The following JMY variants were observed in gnomAD, a reference collection of about 807,000 sequenced individuals.
JMY encodes the protein junction-mediating and -regulatory protein.
A neutral mutation model predicts 103.3 loss-of-function variants in JMY; 46 were observed. The observed-to-expected ratio is 0.45, with a 90% CI of 0.35 to 0.57. The LOEUF (loss-of-function observed/expected upper bound fraction) is 0.57. Ranked by LOEUF, JMY falls within the 20% of genes least tolerant of loss-of-function variation. The pLI, the probability that JMY is intolerant of heterozygous loss-of-function variation, is 0.00. For synonymous variants in JMY, 526 were observed against 489.3 expected (o/e 1.07, Z -0.99); for missense variants, 1,238 against 1,255.2 (o/e 0.99, Z 0.21).
At chr5:79,271,229 G>C (rs868352351) in intron 1 of JMY, among the ~76,000 whole-genome samples, 1 of 150,664 alleles carries the variant, frequency 6.6e-6, no homozygotes, top group Non-Finnish European at 1.5e-5. Context: ...AGAGAGTCTC[G>C]CTATGTTGCT....
At chr5:79,310,956 T>C (rs1484971066) in intron 7 of JMY, among the ~76,000 whole-genome samples, 1 of 152,050 alleles carries the variant, frequency 6.6e-6, no homozygotes, top group African/African-American at 2.4e-5. Flanking sequence ...GCTGACCCTG[T>C]CTCTATAAAA....
rs1747477319 is a variant in JMY, at chr5:79,322,290, T to C, written c.*688T>C. The C allele has an allele frequency of 6.6e-6, 1 of 152,226 alleles. No individual in the cohort carries two copies. Among genetic ancestry groups the C allele is most frequent in the East Asian group, 1.9e-4 (1 of 5,200 alleles). The allele number at this position is 152,226 out of a possible 1,614,324, so 9.4% of individuals were successfully genotyped here. A position where few individuals can be genotyped will look rare whatever the true frequency, so the allele number is the denominator to read the frequency against. On this transcript the variant is annotated 3_prime_UTR_variant, in exon 11 of 11. Transcript: ENST00000396137. ...TCTTATACTTTGTAAGGTTTTGAAG[T>C]TTCCGTGCTTTTAAATCACTCTTCA...
chr5:79,257,428 C>A (rs1745277659), intron 1 of JMY, among the ~76,000 whole-genome samples: 1 of 152,078 alleles, frequency 6.6e-6, no homozygotes, highest in Non-Finnish European at 1.5e-5. Flanking sequence ...CATGGTGAAA[C>A]CCTGTCTCTA....
At position 79,325,215 on chromosome 5, in the gene JMY, CA is replaced by C. The variant is rs1747595194; in HGVS notation, c.*3615del. On this transcript the variant is annotated 3_prime_UTR_variant, in exon 11 of 11. Coordinates refer to ENST00000396137, the MANE Select transcript of JMY (RefSeq NM_152405.5). ...CTTTTAGCCTAGGCAAAGCTAAATA[CA>C]AGGTTTTTGGGGTTTTCTTTTTTCA... 6.6e-6 allele frequency: 1 copy of C among 152,146 alleles called. No individual in the cohort carries two copies. Among genetic ancestry groups the C allele is most frequent in the South Asian group, 2.1e-4 (1 of 4,828 alleles). 9.4% of individuals were successfully genotyped at this position (152,146 alleles called of 1,614,324 possible). A position where few individuals can be genotyped will look rare whatever the true frequency, so the allele number is the denominator to read the frequency against.
intron 1 of JMY, 70 bp from the exon 2 acceptor site, chr5:79,277,840 G>A (rs1745985726): frequency 1.4e-6 from 2 of 1,399,468 alleles, no homozygotes; most frequent in Non-Finnish European, 2.0e-6. Flanking sequence ...ATGATAGGGA[G>A]AGTTCAAAGC....
At position 79,314,306 on chromosome 5, in the gene JMY, A is replaced by T; in HGVS notation, c.2114A>T (p.His705Leu). The change falls in exon 9 of 11, where the codon CAT becomes CTT. Residue 705 changes from histidine (H) to leucine (L), a missense_variant. Transcript: ENST00000396137. Reference protein sequence around the residue: ...ILKSTRLRLAHARRKGAASPV... With the variant: ...ILKSTRLRLALARRKGAASPV... ...AAATCAACCAGATTACGACTAGCTC[A>T]TGCAAGAAGAAAAGGTGCAGCAAGT... 6.2e-7 allele frequency: 1 copy of T among 1,614,084 alleles called. No individual in the cohort carries two copies. The highest frequency in any genetic ancestry group is 1.6e-4 in the Middle Eastern group (1 of 6,062).
chr5:79,269,325 C>T (rs1745674884), intron 1 of JMY, among the ~76,000 whole-genome samples: 3 of 152,168 alleles, frequency 2.0e-5, no homozygotes, highest in Admixed American at 2.0e-4. Flanking sequence ...TTCACAGATA[C>T]CCTACTGTCT....
At position 79,239,843 on chromosome 5, in the gene JMY, A is replaced by T. The variant is rs553767221; in HGVS notation, c.1032+2161A>T. Among the ~76,000 whole-genome samples, 796 of 151,684 alleles carry T rather than the reference A, an allele frequency of 5.2e-3. 5 individuals carry two copies. The highest frequency in any genetic ancestry group is 8.9e-3 in the Non-Finnish European group (601 of 67,904). On this transcript the variant is annotated intron_variant, in intron 1 of 10. Transcript: ENST00000396137. ...AAAAGAAAAGAAAAAGAAAAAGAGA[A>T]AAAGCGACTATCTCCGGTTTTTTAA...
chr5:79,300,296 A>ATTCT lies in JMY; in HGVS notation c.1671_1672insTTCT (p.Ser558PhefsTer2). 1 of 1,576,748 alleles carries ATTCT rather than the reference A, an allele frequency of 6.3e-7. No homozygotes were observed. Among genetic ancestry groups the ATTCT allele is most frequent in the Non-Finnish European group, 8.6e-7 (1 of 1,164,658 alleles). On this transcript the variant is annotated frameshift_variant, in exon 5 of 11. Coordinates refer to ENST00000396137, the MANE Select transcript of JMY (RefSeq NM_152405.5). LOFTEE classifies it high-confidence loss of function. Reference sequence around the variant, plus strand: ...AGTTACTATTGACAGCGCAACTAGAAAGCATCAAAAGACTTATATCAGGTA... The same window carrying ATTCT: ...AGTTACTATTGACAGCGCAACTAGAATTCTAGCATCAAAAGACTTATATCAGGTA...
chr5:79,239,487 A>G (rs534023828), intron 1 of JMY, among the ~76,000 whole-genome samples: 164 of 152,194 alleles, frequency 1.1e-3, no homozygotes, highest in Middle Eastern at 3.4e-3. Flanking sequence ...GGCCTGTCTG[A>G]TTGTAACTTT....
intron 4 of JMY, among the ~76,000 whole-genome samples, chr5:79,299,047 T>C (rs10072296): frequency 0.5 from 75,311 of 152,030 alleles, 19,058 homozygotes; most frequent in Non-Finnish European, 0.57. Context: ...ATGTCTCACA[T>C]GAGCTCGTAA....
chr5:79,247,009 G>A (rs1036820453), intron 1 of JMY, among the ~76,000 whole-genome samples: 3 of 152,168 alleles, frequency 2.0e-5, no homozygotes, highest in Non-Finnish European at 2.9e-5. Flanking sequence ...CAGAGGTAGA[G>A]AATTGGTAAA....
At chr5:79,306,254 GTGGTCAA>G in intron 6 of JMY, 114 bp from the exon 7 acceptor site, 1 of 655,532 alleles carries the variant, frequency 1.5e-6, no homozygotes, top group South Asian at 2.0e-5. Flanking sequence ...GAAACAAGAG[GTGGTCAA>G]TGTGATACTT....
In JMY at chr5:79,300,217, A is replaced by G. The variant is rs1746692482; in HGVS notation, c.1592A>G (p.Tyr531Cys). Residue 531 changes from tyrosine (Y) to cysteine (C), a missense_variant, in exon 5 of 11, where the codon TAT becomes TGT. Physicochemically the swap from Tyr to Cys is radical, Grantham distance 194. Coordinates refer to ENST00000396137, the MANE Select transcript of JMY (RefSeq NM_152405.5). ...ARLDQLEADY[Y>C]DLQLQLYEVQ... The stretch of plus-strand genomic sequence containing the variant: ...TTGGATCAGTTAGAAGCTGATTATT[A>G]TGATCTGCAACTTCAGTTGTATGAA... 6.2e-7 allele frequency: 1 copy of G among 1,611,244 alleles called. No homozygotes were observed. The highest frequency in any genetic ancestry group is 8.5e-7 in the Non-Finnish European group (1 of 1,178,750).
At position 79,291,279 on chromosome 5, in the gene JMY, A is replaced by T; in HGVS notation, c.1507A>T (p.Lys503Ter). Residue 503 changes from lysine to a stop codon, truncating the protein, a stop_gained, in exon 4 of 11, where the codon AAA becomes TAA. Coordinates refer to ENST00000396137, the MANE Select transcript of JMY (RefSeq NM_152405.5). LOFTEE classifies it high-confidence loss of function. The stretch of plus-strand genomic sequence containing the variant: ...TAAAGAGATATGCTTGGAACAGCGG[A>T]AACATGCACTAAAGGAAGAGGTAAC... ...RAKEICLEQR[K>*]HALKEEMQSL... 6.3e-7 allele frequency: 1 copy of T among 1,579,982 alleles called. No individual in the cohort carries two copies. The highest frequency in any genetic ancestry group is 8.6e-7 in the Non-Finnish European group (1 of 1,167,290).
Position 79,323,690 on chromosome 5 carries a change from C to T in JMY, c.*2088C>T, listed in dbSNP as rs1053458477. On this transcript the variant is annotated 3_prime_UTR_variant, in exon 11 of 11. Transcript: ENST00000396137. Reference sequence around the variant, plus strand: ...ATCTAATGTTAAATTAACCAGAAACCCTGGAACATTCATATCTTGAGAGGG... The same window carrying T: ...ATCTAATGTTAAATTAACCAGAAACTCTGGAACATTCATATCTTGAGAGGG... The T allele has an allele frequency of 6.6e-6, 1 of 152,022 alleles. No individual in the cohort carries two copies. Among genetic ancestry groups the T allele is most frequent in the Non-Finnish European group, 1.5e-5 (1 of 68,022 alleles). 9.4% of individuals were successfully genotyped at this position (152,022 alleles called of 1,614,324 possible).
chr5:79,245,022 C>G (rs953836575), intron 1 of JMY, among the ~76,000 whole-genome samples: 15 of 152,014 alleles, frequency 9.9e-5, no homozygotes, highest in Admixed American at 5.9e-4. Context: ...GGGGATTGTC[C>G]TTTATGTTTG....
At chr5:79,286,017 C>T (rs1746257779) in intron 2 of JMY, among the ~76,000 whole-genome samples, 2 of 152,128 alleles carry the variant, frequency 1.3e-5, no homozygotes, top group Non-Finnish European at 2.9e-5. Context: ...AAATTGAAAA[C>T]AGAGGTGTCA....
chr5:79,248,218 C>T (rs897913399), intron 1 of JMY, among the ~76,000 whole-genome samples: 5 of 151,958 alleles, frequency 3.3e-5, no homozygotes, highest in African/African-American at 7.2e-5. Context: ...TTAGTAGAGA[C>T]GGGATTTCAC....
Sources: gnomAD v4.1 joint callset for allele counts (sites outside exome capture counted in the v4.1 genomes callset) on GRCh38, gnomAD v4.1.1 for gene constraint, MANE v1.5 for transcripts, NCBI Gene and HGNC (gene_info 2026-07-23, HGNC 2026-07-21) for gene names.